SDHB: variants seen among roughly 807,000 people sequenced by gnomAD.
The protein encoded by SDHB is succinate dehydrogenase [ubiquinone] iron-sulfur subunit, mitochondrial.
Under a neutral mutation model 39.7 loss-of-function variants are expected in SDHB, and 21 were observed. The observed-to-expected ratio is 0.53, with a 90% CI of 0.37 to 0.76. The LOEUF is 0.76. SDHB is among the 30% of genes least tolerant of loss of function. SDHB has a pLI of 0.00. For synonymous variants in SDHB, 118 were observed against 117.0 expected (o/e 1.01, Z -0.06); for missense variants, 343 against 350.9 (o/e 0.98, Z 0.18).
intron 3 of SDHB, among the ~76,000 whole-genome samples, chr1:17,029,098 T>G (rs962063950): frequency 8.6e-5 from 12 of 138,782 alleles, no homozygotes; most frequent in African/African-American, 3.2e-4. Flanking sequence ...AGCCTGTTTT[T>G]TTTTTTTTTT....
intron 6 of SDHB, among the ~76,000 whole-genome samples, chr1:17,023,389 A>G (rs757138237): frequency 6.6e-5 from 10 of 152,258 alleles, no homozygotes; most frequent in Non-Finnish European, 1.5e-4. Flanking sequence ...ACAAACCTGT[A>G]ACTTCTCTTT....
At chr1:17,046,166 T>C (rs1199860517) in intron 1 of SDHB, among the ~76,000 whole-genome samples, 1 of 152,244 alleles carries the variant, frequency 6.6e-6, no homozygotes, top group Non-Finnish European at 1.5e-5. Flanking sequence ...AGCTATGTTT[T>C]ACCTTATCAC....
At chr1:17,037,123 A>G (rs943523522) in intron 2 of SDHB, among the ~76,000 whole-genome samples, 1 of 152,160 alleles carries the variant, frequency 6.6e-6, no homozygotes, top group Non-Finnish European at 1.5e-5. Context: ...CTATAATTAA[A>G]ACATGGTACA....
intron 2 of SDHB, among the ~76,000 whole-genome samples, chr1:17,041,543 T>A (rs1443352384): frequency 6.6e-6 from 1 of 151,844 alleles, no homozygotes; most frequent in East Asian, 1.9e-4. Context: ...GCGCCTGTAG[T>A]CCCAGCTACT....
At chr1:17,023,459 C>T (rs866672694) in intron 6 of SDHB, among the ~76,000 whole-genome samples, 6 of 152,308 alleles carry the variant, frequency 3.9e-5, no homozygotes, top group Middle Eastern at 3.4e-3. Flanking sequence ...GTGAAAAGCA[C>T]GTATCTAAAA....
chr1:17,042,131 T>G (rs751895717), intron 2 of SDHB, among the ~76,000 whole-genome samples: 1 of 151,942 alleles, frequency 6.6e-6, no homozygotes, highest in Non-Finnish European at 1.5e-5. Context: ...CATGTCGGCC[T>G]GCTTTGGCCT....
intron 2 of SDHB, among the ~76,000 whole-genome samples, chr1:17,040,296 T>A (rs1460432858): frequency 6.6e-6 from 1 of 152,242 alleles, no homozygotes; most frequent in African/African-American, 2.4e-5. Context: ...TAGTTTTATT[T>A]TTATTTACCT....
At chr1:17,035,643 A>G (rs1165649446) in intron 2 of SDHB, among the ~76,000 whole-genome samples, 1 of 152,094 alleles carries the variant, frequency 6.6e-6, no homozygotes, top group Non-Finnish European at 1.5e-5. Flanking sequence ...CGGGTGGATC[A>G]TGAGGTCAGG....
intron 5 of SDHB, among the ~76,000 whole-genome samples, 160 bp from the exon 6 acceptor site, chr1:17,024,234 G>A (rs1206338390): frequency 6.6e-6 from 1 of 152,202 alleles, no homozygotes; most frequent in Non-Finnish European, 1.5e-5. Flanking sequence ...CAGATATTTA[G>A]CAGATTAATA....
At chr1:17,049,158 TC>T (rs1443078455) in intron 1 of SDHB, among the ~76,000 whole-genome samples, 1 of 152,096 alleles carries the variant, frequency 6.6e-6, no homozygotes, top group African/African-American at 2.4e-5. Context: ...CACCATCATG[TC>T]CAGCTAATTT....
At chr1:17,028,015 T>C in intron 4 of SDHB, 150 bp from the exon 5 acceptor site, 1 of 658,080 alleles carries the variant, frequency 1.5e-6, no homozygotes, top group Non-Finnish European at 2.7e-6. Context: ...GTCATGAATA[T>C]ATGCAAAGAT....
At chr1:17,053,865 C>T in intron 1 of SDHB, 83 bp downstream of exon 1, 2 of 1,028,894 alleles carry the variant, frequency 1.9e-6, no homozygotes, top group Non-Finnish European at 1.5e-6. Context: ...CCTATGCTTC[C>T]TCAGTCTCTC....
chr1:17,048,701 T>A (rs1025661626), intron 1 of SDHB, among the ~76,000 whole-genome samples: 5 of 152,100 alleles, frequency 3.3e-5, no homozygotes, highest in African/African-American at 7.2e-5. Flanking sequence ...ATTTATTTTT[T>A]AAAATATTTA....
intron 6 of SDHB, 52 bp from the exon 7 acceptor site, chr1:17,022,782 C>G: frequency 6.3e-7 from 1 of 1,586,232 alleles, no homozygotes; most frequent in South Asian, 1.1e-5. Context: ...GCCAGAGCGG[C>G]ACCCTGGCTC....
intron 2 of SDHB, among the ~76,000 whole-genome samples, chr1:17,044,409 C>T (rs1219917705): frequency 6.6e-6 from 1 of 151,404 alleles, no homozygotes; most frequent in Non-Finnish European, 1.5e-5. Flanking sequence ...ACTGCAACCT[C>T]TGCCTCCTGG....
chr1:17,046,220 A>C (rs139992888), intron 1 of SDHB, among the ~76,000 whole-genome samples: 4 of 152,304 alleles, frequency 2.6e-5, no homozygotes, highest in Admixed American at 6.5e-5. Context: ...CATTTCTACA[A>C]ATGTTTTTCA....
chr1:17,027,775 G>A lies in SDHB; in HGVS notation c.514C>T (p.Gln172Ter). The part of the protein sequence containing the change: ...ESQEGKQQYL[Q>*]SIEEREKLDG... ...AGTTTCTCACGCTCTTCTATGGACT[G>A]CAGATACTGCTGCTTGCCTTCCTGA... Residue 172 changes from glutamine to a stop codon, truncating the protein, a stop_gained, in exon 5 of 8, where the codon CAG becomes TAG. Transcript: ENST00000375499. LOFTEE classifies it high-confidence loss of function. The A allele has an allele frequency of 1.2e-6, 2 of 1,605,422 alleles. No homozygotes were observed. Among genetic ancestry groups the A allele is most frequent in the Non-Finnish European group, 1.7e-6 (2 of 1,172,166 alleles).
intron 2 of SDHB, among the ~76,000 whole-genome samples, chr1:17,036,911 C>T (rs1257652486): frequency 2.0e-5 from 3 of 151,716 alleles, no homozygotes; most frequent in African/African-American, 7.3e-5. Flanking sequence ...GCCTTGGCCT[C>T]ACAAAGAAAG....
chr1:17,022,053 G>A (rs1217742821), intron 7 of SDHB, among the ~76,000 whole-genome samples: 1 of 152,172 alleles, frequency 6.6e-6, no homozygotes, highest in African/African-American at 2.4e-5. Context: ...GAGAAGTGCT[G>A]GGAGGCAGGC....
Sources: gnomAD v4.1 joint callset for allele counts (sites outside exome capture counted in the v4.1 genomes callset) on GRCh38, gnomAD v4.1.1 for gene constraint, MANE v1.5 for transcripts, NCBI Gene and HGNC (gene_info 2026-07-23, HGNC 2026-07-21) for gene names.